The following PTPRD variants were observed in gnomAD, a reference collection of about 807,000 sequenced individuals.
PTPRD encodes protein tyrosine phosphatase receptor type D, also known as receptor-type tyrosine-protein phosphatase delta.
In PTPRD, 34 loss-of-function variants were observed where a neutral mutation model predicts 214.5. The observed-to-expected ratio is 0.16, with a 90% CI of 0.12 to 0.21. The LOEUF (loss-of-function observed/expected upper bound fraction) is 0.21, where lower values mean the gene tolerates loss of function less well. Among genes scored for constraint, PTPRD ranks in the 10% least tolerant of loss-of-function variants. The probability of loss-of-function intolerance (pLI) is 1.00; values close to 1 mark genes in which losing one functional copy is unlikely to be tolerated. For missense variants in PTPRD, 2,545 were observed against 2,398.7 expected (o/e 1.06, Z -1.27); for synonymous variants, 1,128 against 845.7 (o/e 1.33, Z -5.79).
chr9:8,330,747 A>G (rs1207421486), intron 44 of PTPRD, among the ~76,000 whole-genome samples: 5 of 152,108 alleles, frequency 3.3e-5, no homozygotes, highest in African/African-American at 9.7e-5. Flanking sequence ...CCCAAGTCTA[A>G]TATTTGTCCT....
chr9:9,238,088 T>A (rs1276190820), intron 9 of PTPRD, among the ~76,000 whole-genome samples: 1 of 152,048 alleles, frequency 6.6e-6, no homozygotes, highest in East Asian at 1.9e-4. Flanking sequence ...GGCAGCCACA[T>A]GAAGGGACCT....
At chr9:9,705,230 C>A (rs988458240) in intron 7 of PTPRD, among the ~76,000 whole-genome samples, 7 of 152,052 alleles carry the variant, frequency 4.6e-5, no homozygotes, top group Non-Finnish European at 8.8e-5. Context: ...TATTCTCATG[C>A]CAGTGGTTTT....
At chr9:10,010,037 C>G (rs538961068) in intron 4 of PTPRD, among the ~76,000 whole-genome samples, 1 of 151,894 alleles carries the variant, frequency 6.6e-6, no homozygotes, top group Non-Finnish European at 1.5e-5. Flanking sequence ...GAGGAGGGGT[C>G]CATTCAGTTG....
rs71319292 is a variant in PTPRD, at chr9:9,738,439, C to CTTTTTTTTTTT, written c.-325-3879_-325-3869dup. 2.4e-3 allele frequency among the ~76,000 whole-genome samples: 184 copies of CTTTTTTTTTTT among 76,514 alleles called. 16 individuals are homozygous for CTTTTTTTTTTT. The highest frequency in any genetic ancestry group is 3.5e-3 in the African/African-American group (55 of 15,722). The allele number at this position is 76,514 out of a possible 152,430, so 50.2% of individuals were successfully genotyped here. A position where few individuals can be genotyped will look rare whatever the true frequency, so the allele number is the denominator to read the frequency against. ...TGTATTAAAATTCTTCACTCACTCA[C>CTTTTTTTTTTT]TTTTTTTTTTTTTTTTTTTTTTGAG... On this transcript the variant is annotated intron_variant, in intron 6 of 45. Transcript: ENST00000381196.
chr9:10,334,416 AT>A (rs2096806104), intron 3 of PTPRD, among the ~76,000 whole-genome samples: 1 of 151,396 alleles, frequency 6.6e-6, no homozygotes, highest in Non-Finnish European at 1.5e-5. Flanking sequence ...GGTAAAAAAT[AT>A]CTATCCCACC....
chr9:9,085,875 A>T (rs1248379184), intron 10 of PTPRD, among the ~76,000 whole-genome samples: 1 of 152,150 alleles, frequency 6.6e-6, no homozygotes, highest in Non-Finnish European at 1.5e-5. Context: ...TCAGGCTGAA[A>T]TTGTCCCCAG....
intron 5 of PTPRD, among the ~76,000 whole-genome samples, chr9:9,804,967 G>T (rs2099063813): frequency 6.6e-6 from 1 of 152,016 alleles, no homozygotes; most frequent in African/African-American, 2.4e-5. Flanking sequence ...AAAATTTACT[G>T]ATAGTAACAC....
intron 3 of PTPRD, among the ~76,000 whole-genome samples, chr9:10,312,486 T>C (rs2096293468): frequency 6.6e-6 from 1 of 151,964 alleles, no homozygotes; most frequent in Non-Finnish European, 1.5e-5. Flanking sequence ...ATAGGAAAAC[T>C]CTAATAAGGT....
At chr9:8,823,543 C>T (rs2097114233) in intron 11 of PTPRD, among the ~76,000 whole-genome samples, 3 of 151,946 alleles carry the variant, frequency 2.0e-5, no homozygotes, top group African/African-American at 7.3e-5. Flanking sequence ...CCCAGCAGCT[C>T]GAGAGGCTAA....
At chr9:9,347,041 C>A (rs1020264133) in intron 9 of PTPRD, among the ~76,000 whole-genome samples, 1 of 152,032 alleles carries the variant, frequency 6.6e-6, no homozygotes, top group African/African-American at 2.4e-5. Flanking sequence ...TTGGCGCACG[C>A]TTGTAACCTT....
At chr9:10,148,116 T>C (rs560734403) in intron 3 of PTPRD, among the ~76,000 whole-genome samples, 1 of 152,222 alleles carries the variant, frequency 6.6e-6, no homozygotes, top group South Asian at 2.1e-4. Flanking sequence ...AAGAAGGGAA[T>C]CTACATGGCT....
intron 10 of PTPRD, among the ~76,000 whole-genome samples, chr9:9,141,395 G>T (rs185902173): frequency 1.3e-5 from 2 of 152,126 alleles, no homozygotes; most frequent in East Asian, 3.9e-4. Flanking sequence ...AAATTGTTGG[G>T]TAGTTTGTTA....
At chr9:8,591,953 AT>A (rs2094138030) in intron 14 of PTPRD, among the ~76,000 whole-genome samples, 1 of 152,154 alleles carries the variant, frequency 6.6e-6, no homozygotes, top group African/African-American at 2.4e-5. Context: ...CAGAGAAAAA[AT>A]AAATTTGGGG....
rs140168739 is a variant in PTPRD at position 9,228,162 on chromosome 9, T to C, written c.-202-44799A>G. Among the ~76,000 whole-genome samples the C allele has an allele frequency of 4.1e-3, 630 of 152,256 alleles. 2 individuals are homozygous for C. Among genetic ancestry groups the C allele is most frequent in the African/African-American group, 0.015 (604 of 41,554 alleles). ...CCTGTATTTCTAAGGTATCACTTGC[T>C]TATATTAAATAATTGCTACTCTTAT... is the stretch of plus-strand genomic sequence containing the variant. On this transcript the variant is annotated intron_variant, in intron 9 of 45. Coordinates refer to ENST00000381196, the MANE Select transcript of PTPRD (RefSeq NM_002839.4).
intron 3 of PTPRD, among the ~76,000 whole-genome samples, chr9:10,168,068 A>G (rs895995317): frequency 1.2e-4 from 19 of 152,320 alleles, no homozygotes; most frequent in African/African-American, 3.8e-4. Context: ...CCTTGAAGCT[A>G]TATTTTAAGA....
At position 10,542,418 on chromosome 9, in the gene PTPRD, T is replaced by C. The variant is rs150111101; in HGVS notation, c.-600+69980A>G. On this transcript the variant is annotated intron_variant, in intron 2 of 45. Transcript: ENST00000381196. ...TATTTTATTTAAATCAGGTACTCTA[T>C]ATTAGAACTTGGTCATTCTCAACCA... 2.8e-3 allele frequency among the ~76,000 whole-genome samples: 422 copies of C among 152,318 alleles called. 3 individuals are homozygous for C. The highest frequency in any genetic ancestry group is 9.4e-3 in the African/African-American group (392 of 41,582).
At chr9:8,587,432 C>T (rs1564542456) in intron 14 of PTPRD, among the ~76,000 whole-genome samples, 1 of 152,078 alleles carries the variant, frequency 6.6e-6, no homozygotes, top group Non-Finnish European at 1.5e-5. Context: ...CCTAATACTT[C>T]AAAAGAAAAG....
intron 3 of PTPRD, among the ~76,000 whole-genome samples, chr9:10,064,260 T>C (rs913935121): frequency 7.9e-5 from 12 of 151,988 alleles, no homozygotes; most frequent in Non-Finnish European, 1.6e-4. Flanking sequence ...GGCATGACAA[T>C]GCTGTATTAA....
chr9:10,458,529 G>A (rs1440028219), intron 2 of PTPRD, among the ~76,000 whole-genome samples: 1 of 152,106 alleles, frequency 6.6e-6, no homozygotes, highest in Non-Finnish European at 1.5e-5. Context: ...TTTAGACATA[G>A]ACGAAAAGTT....
Sources: allele counts gnomAD v4.1 joint callset (sites outside exome capture counted in the v4.1 genomes callset), GRCh38; gene constraint gnomAD v4.1.1; transcripts MANE v1.5; gene names NCBI Gene and HGNC (gene_info 2026-07-23, HGNC 2026-07-21).